The following LRRTM4 variants were observed in gnomAD, a reference collection of about 807,000 sequenced individuals.
LRRTM4 encodes leucine rich repeat transmembrane neuronal 4.
Under a neutral mutation model 47.6 loss-of-function variants are expected in LRRTM4, and 25 were observed. The ratio of observed to expected loss-of-function variants is 0.53; its 90% CI spans 0.38 to 0.73. The LOEUF (loss-of-function observed/expected upper bound fraction) is 0.73, where lower values mean the gene tolerates loss of function less well. LRRTM4 is among the 30% of genes least tolerant of loss of function. The probability of loss-of-function intolerance (pLI) is 0.00; values close to 1 mark genes in which losing one functional copy is unlikely to be tolerated. For synonymous variants in LRRTM4, 311 were observed against 269.5 expected (o/e 1.15, Z -1.51); for missense variants, 638 against 713.4 (o/e 0.89, Z 1.20).
At chr2:77,417,766 G>A (rs977010710) in intron 3 of LRRTM4, among the ~76,000 whole-genome samples, 2 of 148,016 alleles carry the variant, frequency 1.4e-5, no homozygotes, top group Non-Finnish European at 2.9e-5. Flanking sequence ...CCTGTTGTTG[G>A]GGGGGAAGGG....
At chr2:77,303,330 G>A (rs1274762819) in intron 3 of LRRTM4, among the ~76,000 whole-genome samples, 7 of 152,106 alleles carry the variant, frequency 4.6e-5, no homozygotes, top group African/African-American at 1.7e-4. Context: ...GATTGTCACA[G>A]GTTGATTAGT....
intron 3 of LRRTM4, among the ~76,000 whole-genome samples, chr2:77,031,650 T>C (rs1384293436): frequency 1.3e-5 from 2 of 152,120 alleles, no homozygotes; most frequent in African/African-American, 4.8e-5. Flanking sequence ...AGTCACATGG[T>C]TTAAAATGTC....
intron 3 of LRRTM4, among the ~76,000 whole-genome samples, chr2:77,124,732 G>A (rs1671610051): frequency 6.6e-6 from 1 of 152,090 alleles, no homozygotes; most frequent in Admixed American, 6.6e-5. Flanking sequence ...AGCATGATGT[G>A]CGTCGCGTGT....
At chr2:77,227,982 T>C (rs1674859975) in intron 3 of LRRTM4, among the ~76,000 whole-genome samples, 1 of 152,048 alleles carries the variant, frequency 6.6e-6, no homozygotes, top group Non-Finnish European at 1.5e-5. Flanking sequence ...GTAACAAATA[T>C]ATCATCTACG....
chr2:76,760,736 A>G (rs1265675364), intron 3 of LRRTM4, among the ~76,000 whole-genome samples: 8 of 152,170 alleles, frequency 5.3e-5, no homozygotes, highest in African/African-American at 1.4e-4. Flanking sequence ...TTTTGCAAAA[A>G]AAATCATCTC....
At chr2:77,025,234 G>A (rs999264073) in intron 3 of LRRTM4, among the ~76,000 whole-genome samples, 1 of 152,138 alleles carries the variant, frequency 6.6e-6, no homozygotes, top group Non-Finnish European at 1.5e-5. Context: ...AATACAGGCT[G>A]TTGATAATCC....
intron 3 of LRRTM4, among the ~76,000 whole-genome samples, chr2:76,856,150 G>A (rs945900380): frequency 1.9e-4 from 29 of 152,082 alleles, no homozygotes; most frequent in African/African-American, 6.5e-4. Context: ...CGTGGCTGAC[G>A]CCTGTTACCC....
intron 3 of LRRTM4, among the ~76,000 whole-genome samples, chr2:77,244,170 T>C (rs1378536444): frequency 1.4e-5 from 2 of 139,550 alleles, no homozygotes; most frequent in African/African-American, 2.8e-5. Flanking sequence ...CAGTCTATCA[T>C]TGTTGGACAT....
chr2:76,788,303 G>C (rs995277442), intron 3 of LRRTM4, among the ~76,000 whole-genome samples: 4 of 152,198 alleles, frequency 2.6e-5, no homozygotes, highest in Non-Finnish European at 4.4e-5. Flanking sequence ...ACAAGAAAAG[G>C]AGTCACATAG....
At chr2:76,988,233 G>A (rs781045172) in intron 3 of LRRTM4, among the ~76,000 whole-genome samples, 1 of 151,696 alleles carries the variant, frequency 6.6e-6, no homozygotes, top group Non-Finnish European at 1.5e-5. Context: ...AATTTTAACA[G>A]GTAAAGGCTC....
intron 3 of LRRTM4, among the ~76,000 whole-genome samples, chr2:77,035,140 G>A (rs897965890): frequency 5.9e-5 from 9 of 151,430 alleles, no homozygotes; most frequent in Non-Finnish European, 1.2e-4. Context: ...GTATACATGT[G>A]CCATGTTGGT....
chr2:77,245,129 C>CA (rs1675396628), intron 3 of LRRTM4, among the ~76,000 whole-genome samples: 1 of 151,928 alleles, frequency 6.6e-6, no homozygotes, highest in South Asian at 2.1e-4. Flanking sequence ...CTGAGAGAGA[C>CA]AAAAATAGAA....
At chr2:77,309,210 T>G (rs1677377467) in intron 3 of LRRTM4, among the ~76,000 whole-genome samples, 1 of 152,088 alleles carries the variant, frequency 6.6e-6, no homozygotes, top group South Asian at 2.1e-4. Context: ...TCAAATAACA[T>G]TAGCATAGAA....
intron 3 of LRRTM4, among the ~76,000 whole-genome samples, chr2:77,184,537 A>G (rs973283912): frequency 7.2e-5 from 11 of 152,172 alleles, no homozygotes; most frequent in African/African-American, 2.7e-4. Flanking sequence ...CCTGCTCTGC[A>G]AATGTCACTG....
At chr2:77,266,970 C>G (rs1431588594) in intron 3 of LRRTM4, among the ~76,000 whole-genome samples, 1 of 152,116 alleles carries the variant, frequency 6.6e-6, no homozygotes, top group East Asian at 1.9e-4. Context: ...GACACACTGA[C>G]ATTTGATCAA....
At chr2:77,316,831 C>CCACT (rs1481175388) in intron 3 of LRRTM4, among the ~76,000 whole-genome samples, 1 of 152,182 alleles carries the variant, frequency 6.6e-6, no homozygotes, top group Non-Finnish European at 1.5e-5. Context: ...TATGCGTGAG[C>CCACT]CACTGCACCT....
At chr2:76,853,607 T>C (rs1672061647) in intron 3 of LRRTM4, among the ~76,000 whole-genome samples, 1 of 152,068 alleles carries the variant, frequency 6.6e-6, no homozygotes, top group Non-Finnish European at 1.5e-5. Context: ...CTACTTAAAA[T>C]AGGCTAAATG....
rs527775188 is a variant in LRRTM4, at chr2:77,089,058, T to C, written c.1552-340142A>G. ...TTTAATCACTGCAGGGACACCTCTC[T>C]GATTATACGCCCACGTTTCAAGGGT... On this transcript the variant is annotated intron_variant, in intron 3 of 3. Coordinates refer to ENST00000409884, the MANE Select transcript of LRRTM4 (RefSeq NM_001134745.3). Among the ~76,000 whole-genome samples the C allele has an allele frequency of 8.8e-4, 134 of 152,248 alleles. 1 individual carries two copies. The highest frequency in any genetic ancestry group is 3.0e-3 in the African/African-American group (126 of 41,544).
chr2:76,870,414 G>A (rs576287433), intron 3 of LRRTM4, among the ~76,000 whole-genome samples: 19 of 152,074 alleles, frequency 1.2e-4, no homozygotes, highest in South Asian at 8.3e-4. Context: ...TGCCAATTCC[G>A]CCTTGAGAGT....
Sources: gnomAD v4.1 joint callset for allele counts (sites outside exome capture counted in the v4.1 genomes callset) on GRCh38, gnomAD v4.1.1 for gene constraint, MANE v1.5 for transcripts, NCBI Gene and HGNC (gene_info 2026-07-23, HGNC 2026-07-21) for gene names.